The following ZBTB20 variants were observed in gnomAD, a reference collection of about 807,000 sequenced individuals.
The protein encoded by ZBTB20 is zinc finger and BTB domain containing 20, also known as zinc finger and BTB domain-containing protein 20.
ZBTB20 carries 9 observed loss-of-function variants against 56.9 expected under a neutral mutation model. That is an observed-to-expected ratio of 0.16 (90% confidence interval 0.10 to 0.28). The LOEUF (loss-of-function observed/expected upper bound fraction) is 0.28. ZBTB20 is among the 10% of genes least tolerant of loss of function. ZBTB20 has a pLI of 1.00. For synonymous variants in ZBTB20, 417 were observed against 420.7 expected (o/e 0.99, Z 0.11); for missense variants, 655 against 1,003.0 (o/e 0.65, Z 4.69).
intron 7 of ZBTB20, among the ~76,000 whole-genome samples, chr3:114,480,707 G>C (rs1321129428): frequency 6.6e-6 from 1 of 152,132 alleles, no homozygotes; most frequent in Non-Finnish European, 1.5e-5. Flanking sequence ...TACTCAACTT[G>C]TTGGCTGGAC....
chr3:114,541,981 A>G (rs539341090), intron 6 of ZBTB20, among the ~76,000 whole-genome samples: 2 of 152,340 alleles, frequency 1.3e-5, no homozygotes, highest in Non-Finnish European at 2.9e-5. Flanking sequence ...TTACTATTAA[A>G]GAATGAGTAA....
At chr3:114,667,153 C>T (rs779554357) in intron 6 of ZBTB20, among the ~76,000 whole-genome samples, 3 of 151,956 alleles carry the variant, frequency 2.0e-5, no homozygotes, top group Non-Finnish European at 4.4e-5. Flanking sequence ...ATGGCGATGA[C>T]CTTGAGCAGT....
intron 6 of ZBTB20, among the ~76,000 whole-genome samples, chr3:114,587,716 T>A (rs563591838): frequency 4.7e-4 from 72 of 152,338 alleles, no homozygotes; most frequent in South Asian, 2.5e-3. Flanking sequence ...CATGTACTCT[T>A]AACCATAGAA....
chr3:114,535,821 C>T (rs546374101), intron 6 of ZBTB20, among the ~76,000 whole-genome samples: 1 of 152,232 alleles, frequency 6.6e-6, no homozygotes, highest in African/African-American at 2.4e-5. Flanking sequence ...ATCCCTGGGA[C>T]TCAATGATGG....
At chr3:114,929,249 C>T (rs533691874) in intron 3 of ZBTB20, among the ~76,000 whole-genome samples, 4 of 152,256 alleles carry the variant, frequency 2.6e-5, no homozygotes, top group African/African-American at 9.6e-5. Context: ...AAGACTACTA[C>T]ATGGTTAAGA....
intron 7 of ZBTB20, among the ~76,000 whole-genome samples, chr3:114,493,349 G>A (rs368402852): frequency 6.6e-6 from 1 of 152,150 alleles, no homozygotes; most frequent in Non-Finnish European, 1.5e-5. Flanking sequence ...GTAACATAAT[G>A]TACAGGTGTT....
intron 4 of ZBTB20, among the ~76,000 whole-genome samples, chr3:114,832,251 G>A (rs1194422946): frequency 5.9e-5 from 9 of 152,016 alleles, no homozygotes; most frequent in Non-Finnish European, 7.4e-5. Context: ...ATTCAGGTTT[G>A]GATGGAATAC....
intron 4 of ZBTB20, among the ~76,000 whole-genome samples, chr3:114,833,831 C>T (rs1161018925): frequency 4.6e-5 from 7 of 151,458 alleles, no homozygotes; most frequent in Non-Finnish European, 1.0e-4. Flanking sequence ...TGCACCTGGC[C>T]GAGGGTCTTA....
intron 4 of ZBTB20, among the ~76,000 whole-genome samples, chr3:114,815,904 T>C (rs1029072777): frequency 9.2e-5 from 14 of 152,210 alleles, no homozygotes; most frequent in Non-Finnish European, 1.9e-4. Context: ...GATAACACTC[T>C]TTTTCTTTAT....
chr3:114,539,213 C>T (rs1245542663), intron 6 of ZBTB20, among the ~76,000 whole-genome samples: 1 of 151,998 alleles, frequency 6.6e-6, no homozygotes, highest in African/African-American at 2.4e-5. Context: ...TAGTTGGTGG[C>T]CAGAACATAT....
In ZBTB20 at chr3:114,327,968, A is replaced by G. The variant is rs951261590; in HGVS notation, c.*11037T>C. On this transcript the variant is annotated 3_prime_UTR_variant, in exon 12 of 12. Coordinates refer to ENST00000675478, the MANE Select transcript of ZBTB20 (RefSeq NM_001348800.3). ...ATGGTATCAGTCAGTCTTTTGGGCAATGCTCTGGTGACCAGACAGTTGTAA... is the reference window on the plus strand; with the variant it reads ...ATGGTATCAGTCAGTCTTTTGGGCAGTGCTCTGGTGACCAGACAGTTGTAA... 1 of 152,192 alleles carries G rather than the reference A, an allele frequency of 6.6e-6. No individual in the cohort carries two copies. Among genetic ancestry groups the G allele is most frequent in the Admixed American group, 6.6e-5 (1 of 15,266 alleles). 9.4% of individuals were successfully genotyped at this position (152,192 alleles called of 1,614,324 possible). A position where few individuals can be genotyped will look rare whatever the true frequency, so the allele number is the denominator to read the frequency against.
chr3:114,419,709 C>T (rs1212318153), intron 7 of ZBTB20, among the ~76,000 whole-genome samples: 1 of 151,930 alleles, frequency 6.6e-6, no homozygotes, highest in East Asian at 1.9e-4. Context: ...CCTAAAACAC[C>T]AAGAGGAAAC....
At position 114,336,673 on chromosome 3, in the gene ZBTB20, T is replaced by G. The variant is rs531899469; in HGVS notation, c.*2332A>C. On this transcript the variant is annotated 3_prime_UTR_variant, in exon 12 of 12. Coordinates refer to ENST00000675478, the MANE Select transcript of ZBTB20 (RefSeq NM_001348800.3). ...GTCTAAAATATATGAATAAAACCAA[T>G]TTAGTCATTACAGAGTTGTTTGTGT... 1.3e-5 allele frequency: 2 copies of G among 152,312 alleles called. No individual in the cohort carries two copies. Among genetic ancestry groups the G allele is most frequent in the South Asian group, 4.1e-4 (2 of 4,832 alleles). The allele number at this position is 152,312 out of a possible 1,614,324, so 9.4% of individuals were successfully genotyped here.
intron 7 of ZBTB20, among the ~76,000 whole-genome samples, chr3:114,461,675 T>C (rs559453751): frequency 6.6e-6 from 1 of 152,312 alleles, no homozygotes; most frequent in South Asian, 2.1e-4. Context: ...TTACATTCTA[T>C]AGGATAGTGC....
chr3:114,449,918 A>T (rs1405334744), intron 7 of ZBTB20, among the ~76,000 whole-genome samples: 1 of 152,220 alleles, frequency 6.6e-6, no homozygotes, highest in Non-Finnish European at 1.5e-5. Flanking sequence ...TTTCAGTGAA[A>T]TAACTGATTG....
In ZBTB20 at chr3:114,928,637, A is replaced by G. The variant is rs76964742; in HGVS notation, c.-455-28295T>C. On this transcript the variant is annotated intron_variant, in intron 3 of 11. Coordinates refer to ENST00000675478, the MANE Select transcript of ZBTB20 (RefSeq NM_001348800.3). ...ACACACAATCTCAAGCAAATCATCA[A>G]CTGACATCTGATGTTGTCTTACCTA... 5.9e-5 allele frequency among the ~76,000 whole-genome samples: 9 copies of G among 152,364 alleles called. No individual in the cohort carries two copies. The East Asian group carries it at 1.7e-3, about 29-fold the overall frequency.
chr3:115,032,296 C>T (rs2080719887), intron 2 of ZBTB20, among the ~76,000 whole-genome samples: 1 of 151,156 alleles, frequency 6.6e-6, no homozygotes, highest in Non-Finnish European at 1.5e-5. Context: ...ATGAAGTAAC[C>T]ACTTTATTGA....
chr3:114,988,479 T>A (rs2078652253), intron 2 of ZBTB20, among the ~76,000 whole-genome samples: 3 of 152,044 alleles, frequency 2.0e-5, no homozygotes, highest in Non-Finnish European at 4.4e-5. Context: ...ATGTGCCACA[T>A]TTTCTTAATC....
At chr3:114,536,579 A>G (rs1377459843) in intron 6 of ZBTB20, among the ~76,000 whole-genome samples, 1 of 152,220 alleles carries the variant, frequency 6.6e-6, no homozygotes, top group Non-Finnish European at 1.5e-5. Flanking sequence ...TAATTTATAG[A>G]TTCAATGCTA....
Sources: gnomAD v4.1 joint callset for allele counts (sites outside exome capture counted in the v4.1 genomes callset) on GRCh38, gnomAD v4.1.1 for gene constraint, MANE v1.5 for transcripts, NCBI Gene and HGNC (gene_info 2026-07-23, HGNC 2026-07-21) for gene names.